Variants in SLC41A3 observed in about 807,000 individuals in gnomAD.
The protein encoded by SLC41A3 is SLC41A1-like 2.
In SLC41A3, 44 loss-of-function variants were observed where a neutral mutation model predicts 45.4. The observed-to-expected ratio is 0.97, with a 90% CI of 0.76 to 1.25. SLC41A3 has a LOEUF of 1.25. SLC41A3 is among the 50% of genes most tolerant of loss of function. The pLI is 0.00. For missense variants in SLC41A3, 550 were observed against 600.6 expected (o/e 0.92, Z 0.88); for synonymous variants, 256 against 252.4 (o/e 1.01, Z -0.13).
chr3:126,016,380 G>A (rs754307047), intron 7 of SLC41A3, among the ~76,000 whole-genome samples: 2 of 152,256 alleles, frequency 1.3e-5, no homozygotes, highest in Admixed American at 6.5e-5. Context: ...ACCTAAGCAG[G>A]GATCTGGGCC....
intron 2 of SLC41A3, 29 bp downstream of exon 2, chr3:126,067,918 C>G (rs765185719): frequency 6.4e-7 from 1 of 1,557,140 alleles, no homozygotes; most frequent in Non-Finnish European, 8.7e-7. Flanking sequence ...CAGTGCCCCG[C>G]TCCCTGTCCC....
chr3:126,080,205 T>C (rs562783788), intron 1 of SLC41A3, among the ~76,000 whole-genome samples: 36 of 152,020 alleles, frequency 2.4e-4, no homozygotes, highest in African/African-American at 8.0e-4. Flanking sequence ...AAAGCAAAAA[T>C]AGACAAATGG....
rs57581225 is a variant in SLC41A3, at chr3:126,044,895, C to CAAAAAAAAAAA, written c.381+6037_381+6047dup. On this transcript the variant is annotated intron_variant, in intron 3 of 10. Coordinates refer to ENST00000360370, the MANE Select transcript of SLC41A3 (RefSeq NM_017836.4). ...TGGGCGACAGAGCGAGACTCCATCT[C>CAAAAAAAAAAA]AAAAAAAAAAAAAAAAAAAAAAAAA... 3.4e-3 allele frequency among the ~76,000 whole-genome samples: 280 copies of CAAAAAAAAAAA among 82,712 alleles called. 51 individuals are homozygous for CAAAAAAAAAAA. Among genetic ancestry groups the CAAAAAAAAAAA allele is most frequent in the Non-Finnish European group, 4.3e-3 (194 of 45,150 alleles). 54.3% of individuals were successfully genotyped at this position (82,712 alleles called of 152,430 possible). A position where few individuals can be genotyped will look rare whatever the true frequency, so the allele number is the denominator to read the frequency against.
intron 8 of SLC41A3, among the ~76,000 whole-genome samples, chr3:126,015,139 C>T (rs976529207): frequency 6.6e-6 from 1 of 152,224 alleles, no homozygotes; most frequent in Admixed American, 6.5e-5. Flanking sequence ...CAAGAGCCAG[C>T]GCCCCGGTTC....
intron 2 of SLC41A3, among the ~76,000 whole-genome samples, chr3:126,066,699 C>T (rs1017794513): frequency 6.6e-6 from 1 of 152,196 alleles, no homozygotes; most frequent in East Asian, 1.9e-4. Flanking sequence ...CTTGGAAGGC[C>T]GGGGTGTTGC....
At chr3:126,099,347 G>A (rs766738112) in intron 1 of SLC41A3, among the ~76,000 whole-genome samples, 3 of 152,064 alleles carry the variant, frequency 2.0e-5, no homozygotes, top group Non-Finnish European at 4.4e-5. Context: ...TTAAAGTGAC[G>A]GCAATATATT....
intron 1 of SLC41A3, among the ~76,000 whole-genome samples, chr3:126,079,758 T>G (rs751718857): frequency 6.6e-6 from 1 of 152,180 alleles, no homozygotes; most frequent in Non-Finnish European, 1.5e-5. Context: ...GTAACTACAA[T>G]AGACCCCAAA....
intron 3 of SLC41A3, among the ~76,000 whole-genome samples, chr3:126,044,617 C>T (rs558020202): frequency 1.1e-4 from 16 of 152,196 alleles, no homozygotes; most frequent in East Asian, 5.8e-4. Context: ...TACAGAGGGC[C>T]GGGCGCAGTG....
At chr3:126,054,777 C>A (rs556340623) in intron 2 of SLC41A3, among the ~76,000 whole-genome samples, 1 of 152,164 alleles carries the variant, frequency 6.6e-6, no homozygotes. Context: ...CCACTCCCTG[C>A]CCAGCCCTCC....
intron 4 of SLC41A3, among the ~76,000 whole-genome samples, chr3:126,030,259 T>C (rs1941699365): frequency 1.4e-5 from 2 of 144,036 alleles, no homozygotes; most frequent in Non-Finnish European, 3.0e-5. Context: ...TTATAACATA[T>C]AATATATATG....
Position 126,068,053 on chromosome 3 carries a change from TCA to T in SLC41A3, c.165_166del (p.Glu56AlafsTer2), listed in dbSNP as rs1944440745. 1 of 1,613,718 alleles carries T rather than the reference TCA, an allele frequency of 6.2e-7. No individual in the cohort carries two copies. Among genetic ancestry groups the T allele is most frequent in the South Asian group, 1.1e-5 (1 of 91,062 alleles). Reference sequence around the variant, plus strand: ...GGACCAGGTGGTCTCCCTGCTAGGCTCAGTCTCCAGTGGCTTGGGGGTCACGC... The same window carrying T: ...GGACCAGGTGGTCTCCCTGCTAGGCTGTCTCCAGTGGCTTGGGGGTCACGC... On this transcript the variant is annotated frameshift_variant, in exon 2 of 11. Coordinates refer to ENST00000360370, the MANE Select transcript of SLC41A3 (RefSeq NM_017836.4). LOFTEE classifies it high-confidence loss of function.
intron 1 of SLC41A3, among the ~76,000 whole-genome samples, chr3:126,093,632 G>A (rs1945537157): frequency 6.6e-6 from 1 of 152,238 alleles, no homozygotes; most frequent in South Asian, 2.1e-4. Flanking sequence ...ACAAACAGGA[G>A]TCATTGATTT....
At chr3:126,059,409 A>T (rs1488268164) in intron 2 of SLC41A3, among the ~76,000 whole-genome samples, 1 of 152,020 alleles carries the variant, frequency 6.6e-6, no homozygotes, top group Non-Finnish European at 1.5e-5. Flanking sequence ...CAAATGAATG[A>T]AGGAATGCCC....
intron 5 of SLC41A3, chr3:126,023,154 G>C: frequency 1.7e-6 from 1 of 578,654 alleles, no homozygotes; most frequent in South Asian, 2.2e-5. Flanking sequence ...AAGGCTGGGA[G>C]AGTTGGACTC....
At chr3:126,025,021 AGAG>A (rs1164212598) in intron 5 of SLC41A3, 18 of 152,402 alleles carry the variant, frequency 1.2e-4, no homozygotes, top group Admixed American at 4.6e-4. Flanking sequence ...AGTGTTGGTC[AGAG>A]GAGGCCTCAG....
chr3:126,070,247 G>A (rs1182725056), intron 1 of SLC41A3: 1 of 152,214 alleles, frequency 6.6e-6, no homozygotes, highest in Admixed American at 6.5e-5. Flanking sequence ...TGGGAACTGG[G>A]CCACACAGCA....
chr3:126,071,798 T>C (rs1944632674), intron 1 of SLC41A3, among the ~76,000 whole-genome samples: 1 of 146,290 alleles, frequency 6.8e-6, no homozygotes, highest in Admixed American at 7.0e-5. Context: ...TGAGATAGGG[T>C]CTTATTCTGG....
chr3:126,057,632 G>A (rs1943756878), intron 2 of SLC41A3, among the ~76,000 whole-genome samples: 1 of 152,214 alleles, frequency 6.6e-6, no homozygotes, highest in Non-Finnish European at 1.5e-5. Flanking sequence ...CCAGGCTTAA[G>A]TGCAGACCCC....
rs1204629804 is a variant in SLC41A3, at chr3:126,026,457, A to G, written c.476T>C (p.Leu159Pro). The change falls in exon 5 of 11, where the codon CTC becomes CCC. Residue 159 changes from leucine to proline, a missense_variant. Transcript: ENST00000360370. This position sits in a 1 kb window ranked among gnomAD's most constrained non-coding sequence, Gnocchi z 4.2. Reference sequence around the variant, plus strand: ...CAGCAGCGCAGCCACAGCAGCCAAGAGCCCCACGACAGTGGCCTGCACCTG... The same window carrying G: ...CAGCAGCGCAGCCACAGCAGCCAAGGGCCCCACGACAGTGGCCTGCACCTG... ...LIQVQATVVG[L>P]LAAVAALLLG... The G allele has an allele frequency of 2.5e-6, 4 of 1,604,488 alleles. No homozygotes were observed. Among genetic ancestry groups the G allele is most frequent in the East Asian group, 2.2e-5 (1 of 44,646 alleles).
Sources: allele counts gnomAD v4.1 joint callset (sites outside exome capture counted in the v4.1 genomes callset), GRCh38; gene constraint gnomAD v4.1.1; non-coding constraint Gnocchi (gnomAD v3.1); transcripts MANE v1.5; gene names NCBI Gene and HGNC (gene_info 2026-07-23, HGNC 2026-07-21).